The following NFRKB variants were observed in gnomAD, a reference collection of about 807,000 sequenced individuals.
NFRKB encodes nuclear factor related to kappaB binding protein.
NFRKB carries 62 observed loss-of-function variants against 135.7 expected under a neutral mutation model. That is an observed-to-expected ratio of 0.46 (90% confidence interval 0.37 to 0.56). NFRKB has a LOEUF of 0.56. NFRKB is among the 20% of genes least tolerant of loss of function. The pLI, the probability that NFRKB is intolerant of heterozygous loss-of-function variation, is 0.00. For missense variants in NFRKB, 1,545 were observed against 1,662.0 expected, an observed-to-expected ratio of 0.93 and a Z score of 1.22; for synonymous variants, 678 against 635.6, an observed-to-expected ratio of 1.07 and a Z score of -1.00.
intron 23 of NFRKB, 135 bp from the exon 24 acceptor site, chr11:129,870,396 A>G: frequency 1.0e-6 from 1 of 992,404 alleles, no homozygotes; most frequent in Non-Finnish European, 1.5e-6. Flanking sequence ...AAACATTCAC[A>G]GAAGTAGAGA....
chr11:129,871,012 T>C (rs1269128717), intron 23 of NFRKB, among the ~76,000 whole-genome samples: 2 of 152,204 alleles, frequency 1.3e-5, no homozygotes, highest in Admixed American at 1.3e-4. Flanking sequence ...CCCCTTGGTA[T>C]GTGCGAGAGA....
Position 129,873,058 on chromosome 11 carries a change from C to G in NFRKB, c.2589G>C (p.Thr863=). Residue 863 remains threonine (T), a synonymous_variant, in exon 23 of 27, where the codon ACG becomes ACC. Coordinates refer to ENST00000682444, the MANE Select transcript of NFRKB (RefSeq NM_001143835.2). ...MATVPVKAQT[T]AATVQRPGPG... is the part of the protein sequence containing the mutation. Reference sequence around the variant, plus strand: ...GTCCAGGCCGCTGCACAGTGGCTGCCGTAGTCTGCGCTTTGACGGGCACAG... The same window carrying G: ...GTCCAGGCCGCTGCACAGTGGCTGCGGTAGTCTGCGCTTTGACGGGCACAG... 1 of 1,612,952 alleles carries G rather than the reference C, an allele frequency of 6.2e-7. No homozygotes were observed. The highest frequency in any genetic ancestry group is 8.5e-7 in the Non-Finnish European group (1 of 1,179,486).
Position 129,892,701 on chromosome 11 carries a change from G to A in NFRKB, c.135+14C>T, listed in dbSNP as rs768633671. On this transcript the variant is annotated intron_variant, in intron 3 of 26. Transcript: ENST00000682444. The stretch of plus-strand genomic sequence containing the variant: ...TGACAGAGAGGAAAAGGTCACAACC[G>A]TGTTACTACTCACATCCTCCAGAAG... 6.8e-6 allele frequency: 11 copies of A among 1,612,692 alleles called. No individual in the cohort carries two copies. Among genetic ancestry groups the A allele is most frequent in the South Asian group, 2.2e-5 (2 of 91,006 alleles).
In NFRKB at chr11:129,875,338, A is replaced by T. The variant is rs781470236; in HGVS notation, c.1854+19T>A. ...ATCCATTCTGGAACAAAGCAAAAGT[A>T]ATCTCTTCTCCGTCCTACCTGAGTG... is the stretch of plus-strand genomic sequence containing the variant. On this transcript the variant is annotated intron_variant, in intron 18 of 26. Transcript: ENST00000682444. The T allele has an allele frequency of 3.8e-6, 6 of 1,577,248 alleles. No individual in the cohort carries two copies. The highest frequency in any genetic ancestry group is 1.7e-5 in the Admixed American group (1 of 57,464).
rs1288428706 is a variant in NFRKB, at chr11:129,885,796, CA to C, written c.466-188del. Among the ~76,000 whole-genome samples, 4 of 152,284 alleles carry C rather than the reference CA, an allele frequency of 2.6e-5. No individual in the cohort carries two copies. In the East Asian group the frequency reaches 7.7e-4, roughly 29 times the overall value. The stretch of plus-strand genomic sequence containing the variant: ...TCTGTATTGATTACATGAAAAATCC[CA>C]AATCTGACTGTTGAAGTGCTCTACT... On this transcript the variant is annotated intron_variant, in intron 5 of 26. Coordinates refer to ENST00000682444, the MANE Select transcript of NFRKB (RefSeq NM_001143835.2).
chr11:129,880,325 C>T (rs1468566747), intron 13 of NFRKB, among the ~76,000 whole-genome samples: 2 of 152,180 alleles, frequency 1.3e-5, no homozygotes, highest in African/African-American at 4.8e-5. Context: ...GGAGCCATGC[C>T]TCACACCATT....
rs1256531437 is a variant in NFRKB, at chr11:129,883,186, T to G, written c.837A>C (p.Thr279=). The G allele has an allele frequency of 6.2e-7, 1 of 1,614,000 alleles. No homozygotes were observed. Among genetic ancestry groups the G allele is most frequent in the Non-Finnish European group, 8.5e-7 (1 of 1,180,020 alleles). The change falls in exon 9 of 27, where the codon ACA becomes ACC. Residue 279 remains threonine (T), a synonymous_variant. Transcript: ENST00000682444. ...KHQPDHPDLL[T]GDLTLNDIMT... is the part of the protein sequence containing the mutation. ...TGATGTCATTGAGAGTCAGGTCCCC[T>G]GTCAAAAGGTCCGGGTGATCCTAGA... is the stretch of plus-strand genomic sequence containing the variant.
intron 3 of NFRKB, among the ~76,000 whole-genome samples, chr11:129,889,363 A>G (rs193292894): frequency 7.6e-4 from 115 of 152,266 alleles, no homozygotes; most frequent in Non-Finnish European, 1.5e-3. Flanking sequence ...TCCAGAGGAA[A>G]ATCATTTTAG....
In NFRKB at chr11:129,868,951, C is replaced by T. The variant is rs113158476; in HGVS notation, c.3531+543G>A. On this transcript the variant is annotated intron_variant, in intron 24 of 26. Coordinates refer to ENST00000682444, the MANE Select transcript of NFRKB (RefSeq NM_001143835.2). The stretch of plus-strand genomic sequence containing the variant: ...AGGAGAATCACTTGAACCCAGGAGG[C>T]GGAGGTTGCAGTGAGCCGAGATCGT... 8.6e-3 allele frequency among the ~76,000 whole-genome samples: 1,312 copies of T among 152,108 alleles called. 15 individuals carry two copies. Among genetic ancestry groups the T allele is most frequent in the Non-Finnish European group, 0.013 (900 of 68,014 alleles).
In NFRKB at chr11:129,885,499, G is replaced by A. The variant is rs1391349687; in HGVS notation, c.576C>T (p.Tyr192=). ...CTTTCACTTCCCTTAAGACCTTCAA[G>A]TAGCGCTGCTGGGTCCGCCACTCCC... The part of the protein sequence containing the change: ...EEREWRTQQR[Y]LKVLREVKEE... The change falls in exon 6 of 27, where the codon TAC becomes TAT. Residue 192 remains tyrosine (Y), a synonymous_variant. Coordinates refer to ENST00000682444, the MANE Select transcript of NFRKB (RefSeq NM_001143835.2). 6.8e-6 allele frequency: 11 copies of A among 1,614,112 alleles called. No individual in the cohort carries two copies. Among genetic ancestry groups the A allele is most frequent in the Middle Eastern group, 1.6e-4 (1 of 6,062 alleles).
At chr11:129,894,739 C>T (rs1019566121) in intron 1 of NFRKB, among the ~76,000 whole-genome samples, 4 of 152,130 alleles carry the variant, frequency 2.6e-5, no homozygotes, top group Admixed American at 2.0e-4. Context: ...ATAAGTGAAG[C>T]GGGTGAGACA....
chr11:129,865,843 C>T (rs755511147), intron 25 of NFRKB, 34 bp downstream of exon 25: 5 of 1,604,140 alleles, frequency 3.1e-6, no homozygotes, highest in African/African-American at 1.3e-5. Context: ...CCTCCACCCC[C>T]GAATTGGTTC....
intron 13 of NFRKB, among the ~76,000 whole-genome samples, chr11:129,878,933 T>C (rs1184768518): frequency 1.3e-5 from 2 of 152,202 alleles, no homozygotes; most frequent in Admixed American, 1.3e-4. Context: ...ACCAAGGTAA[T>C]TATTCTATTT....
At chr11:129,894,492 C>T (rs1266828711) in intron 1 of NFRKB, 54 bp from the exon 2 acceptor site, 2 of 152,208 alleles carry the variant, frequency 1.3e-5, no homozygotes, top group Non-Finnish European at 2.9e-5. Context: ...AATACAGGTA[C>T]TTTTCTTTTC....
chr11:129,873,122 C>T (rs750419080), intron 22 of NFRKB, 26 bp from the exon 23 acceptor site: 2 of 1,531,920 alleles, frequency 1.3e-6, no homozygotes, highest in East Asian at 4.8e-5. Context: ...AGGCCAAGAG[C>T]TTAATTAGAC....
chr11:129,865,825 G>A, intron 25 of NFRKB, 52 bp downstream of exon 25: 1 of 1,553,648 alleles, frequency 6.4e-7, no homozygotes, highest in Non-Finnish European at 8.9e-7. Context: ...GGTAAGCCCT[G>A]CCTGCCACCT....
rs545414653 is a variant in NFRKB, at chr11:129,894,385, G to C, written c.-48C>G. The C allele has an allele frequency of 2.0e-5, 3 of 152,190 alleles. No homozygotes were observed. Among genetic ancestry groups the C allele is most frequent in the Non-Finnish European group, 2.9e-5 (2 of 68,034 alleles). The allele number at this position is 152,190 out of a possible 1,614,324, so 9.4% of individuals were successfully genotyped here. A position where few individuals can be genotyped will look rare whatever the true frequency, so the allele number is the denominator to read the frequency against. ...ACGCCAGGTGTCAATTTCCTTATTT[G>C]AGGAAGGGAAGCTGGACCAGGTCCT... On this transcript the variant is annotated 5_prime_UTR_variant, in exon 2 of 27. Coordinates refer to ENST00000682444, the MANE Select transcript of NFRKB (RefSeq NM_001143835.2).
chr11:129,864,645 CAAT>C lies in NFRKB; in HGVS notation c.*77_*79del, dbSNP rs1349547515. ...CTGCCTTGAACAGGCAAGCTTAAAA[CAAT>C]GATGCAACCTCCCTGGTCCCTTCTC... is the stretch of plus-strand genomic sequence containing the variant. On this transcript the variant is annotated 3_prime_UTR_variant, in exon 27 of 27. Coordinates refer to ENST00000682444, the MANE Select transcript of NFRKB (RefSeq NM_001143835.2). 2 of 1,593,266 alleles carry C rather than the reference CAAT, an allele frequency of 1.3e-6. No individual in the cohort carries two copies. Among genetic ancestry groups the C allele is most frequent in the African/African-American group, 1.3e-5 (1 of 74,560 alleles).
chr11:129,895,123 A>C (rs1371095217), intron 1 of NFRKB, among the ~76,000 whole-genome samples: 1 of 152,232 alleles, frequency 6.6e-6, no homozygotes, highest in Non-Finnish European at 1.5e-5. Context: ...TCGGCCTCTC[A>C]TCACTGGCTT....
Sources: gnomAD v4.1 joint callset for allele counts (sites outside exome capture counted in the v4.1 genomes callset) on GRCh38, gnomAD v4.1.1 for gene constraint, MANE v1.5 for transcripts, NCBI Gene and HGNC (gene_info 2026-07-23, HGNC 2026-07-21) for gene names.